The following PPP2R2D variants were observed in gnomAD, a reference collection of about 807,000 sequenced individuals.
PPP2R2D encodes serine/threonine-protein phosphatase 2A 55 kDa regulatory subunit B delta isoform.
A neutral mutation model predicts 31.1 loss-of-function variants in PPP2R2D; 9 were observed. The ratio of observed to expected loss-of-function variants is 0.29; its 90% CI spans 0.17 to 0.51. PPP2R2D has a LOEUF of 0.51. Among genes scored for constraint, PPP2R2D ranks in the 20% least tolerant of loss-of-function variants. PPP2R2D has a pLI of 0.98. For synonymous variants in PPP2R2D, 179 were observed against 172.6 expected (o/e 1.04, Z -0.29); for missense variants, 391 against 465.6 (o/e 0.84, Z 1.48).
downstream of PPP2R2D, among the ~76,000 whole-genome samples, chr10:131,961,496 G>A (rs528639352): frequency 2.6e-5 from 4 of 152,284 alleles, no homozygotes; most frequent in Non-Finnish European, 4.4e-5. Flanking sequence ...GGTCACAGAC[G>A]CACACACCAC....
At chr10:131,934,327 A>G in intron 2 of PPP2R2D, 131 bp from the exon 3 acceptor site, 1 of 617,234 alleles carries the variant, frequency 1.6e-6, no homozygotes, top group Non-Finnish European at 2.9e-6. Flanking sequence ...GTTTGCCAAG[A>G]CAGTTTTGCT....
chr10:131,971,170 C>G, the PPP2R2D span: 1 of 581,410 alleles, frequency 1.7e-6, no homozygotes, highest in Non-Finnish European at 3.1e-6. Context: ...GCTCACAGCA[C>G]GCTCGCCGCC....
chr10:131,906,235 G>A (rs1417618075), intron 2 of PPP2R2D, among the ~76,000 whole-genome samples: 1 of 152,218 alleles, frequency 6.6e-6, no homozygotes. Context: ...GGGGTTGGGG[G>A]AGGAGGGTCT....
downstream of PPP2R2D, among the ~76,000 whole-genome samples, chr10:131,960,868 CA>C (rs1319392431): frequency 6.6e-6 from 1 of 152,200 alleles, no homozygotes; most frequent in Non-Finnish European, 1.5e-5. Flanking sequence ...GCAGAGGTCG[CA>C]TCTTCCCAGA....
rs1429738341 is a variant in PPP2R2D at position 131,955,877 on chromosome 10, C to T, written c.1276C>T (p.Leu426=). Residue 426 remains leucine (L), a synonymous_variant, in exon 9 of 9, where the codon CTG becomes TTG. Transcript: ENST00000455566. ...CAGTCTGGACTTCAACAAGAAGATCCTGCACACAGCCTGGCACCCCGTGGA... is the reference window on the plus strand; with the variant it reads ...CAGTCTGGACTTCAACAAGAAGATCTTGCACACAGCCTGGCACCCCGTGGA... ...VDSLDFNKKI[L]HTAWHPVDNV... 3 of 1,608,214 alleles carry T rather than the reference C, an allele frequency of 1.9e-6. No individual in the cohort carries two copies. The highest frequency in any genetic ancestry group is 1.3e-5 in the African/African-American group (1 of 74,652).
At chr10:131,924,259 T>C (rs2036055479) in intron 2 of PPP2R2D, among the ~76,000 whole-genome samples, 1 of 152,166 alleles carries the variant, frequency 6.6e-6, no homozygotes, top group African/African-American at 2.4e-5. Context: ...TGTGAAGATT[T>C]ATTCATTTAG....
intron 2 of PPP2R2D, among the ~76,000 whole-genome samples, chr10:131,920,271 A>T (rs1429817668): frequency 2.3e-5 from 3 of 132,764 alleles, no homozygotes; most frequent in Non-Finnish European, 4.9e-5. Context: ...GTGGAATGAC[A>T]CAGTGTAGGG....
intron 2 of PPP2R2D, among the ~76,000 whole-genome samples, chr10:131,931,549 T>C (rs2036227680): frequency 6.6e-6 from 1 of 152,222 alleles, no homozygotes; most frequent in Non-Finnish European, 1.5e-5. Context: ...GGCTTTGCCA[T>C]GTTGGCCAGG....
chr10:131,903,447 A>G (rs1668637093), intron 2 of PPP2R2D, among the ~76,000 whole-genome samples: 1 of 148,428 alleles, frequency 6.7e-6, no homozygotes, highest in Non-Finnish European at 1.5e-5. Context: ...AGCCTGGACA[A>G]TAGAACAAGG....
At position 131,945,514 on chromosome 10, in the gene PPP2R2D, C is replaced by T; in HGVS notation, c.820+55C>T. 6.5e-7 allele frequency: 1 copy of T among 1,540,500 alleles called. No individual in the cohort carries two copies. The highest frequency in any genetic ancestry group is 8.8e-7 in the Non-Finnish European group (1 of 1,136,922). ...TGGCTCTGTCACCCAGGCTGCGGTG[C>T]AGTGACACAGTCTCGGCTCACGGCA... On this transcript the variant is annotated intron_variant, in intron 7 of 8. Coordinates refer to ENST00000455566, the MANE Select transcript of PPP2R2D (RefSeq NM_018461.5). The surrounding 1 kb of genome is among the most constrained non-coding windows in gnomAD (Gnocchi z 4.8).
rs2036569506 is a variant in PPP2R2D, at chr10:131,947,837, T to A, written c.1082+46T>A. The A allele has an allele frequency of 6.3e-7, 1 of 1,596,408 alleles. No individual in the cohort carries two copies. Among genetic ancestry groups the A allele is most frequent in the Non-Finnish European group, 8.6e-7 (1 of 1,167,852 alleles). ...AGCTGTCGCCCCAAGCTTGCTGGTT[T>A]CCGAGAGTGCAAGGTCAGTGAGGGA... On this transcript the variant is annotated intron_variant, in intron 8 of 8. Coordinates refer to ENST00000455566, the MANE Select transcript of PPP2R2D (RefSeq NM_018461.5). This position sits in a 1 kb window ranked among gnomAD's most constrained non-coding sequence, Gnocchi z 4.3.
At chr10:131,925,430 A>C (rs1458851163) in intron 2 of PPP2R2D, among the ~76,000 whole-genome samples, 1 of 152,212 alleles carries the variant, frequency 6.6e-6, no homozygotes, top group Non-Finnish European at 1.5e-5. Context: ...TAATGTTATT[A>C]GTATGGTGTA....
At chr10:131,937,594 G>A (rs187940881) in intron 3 of PPP2R2D, among the ~76,000 whole-genome samples, 13 of 152,264 alleles carry the variant, frequency 8.5e-5, no homozygotes, top group African/African-American at 2.2e-4. Flanking sequence ...GTTGGAACCC[G>A]TTCATGGCAG....
chr10:131,938,678 C>G lies in PPP2R2D; in HGVS notation c.199-1353C>G, dbSNP rs550266527. Among the ~76,000 whole-genome samples, 152 of 152,256 alleles carry G rather than the reference C, an allele frequency of 1.0e-3. 1 individual carries two copies. Among genetic ancestry groups the G allele is most frequent in the Non-Finnish European group, 1.4e-3 (96 of 68,052 alleles). ...GTACGTACGTAAGCAGCACCTCACT[C>G]TGGGCACCTGTGCAGCCTGCTTCAC... On this transcript the variant is annotated intron_variant, in intron 3 of 8. Coordinates refer to ENST00000455566, the MANE Select transcript of PPP2R2D (RefSeq NM_018461.5).
intron 8 of PPP2R2D, among the ~76,000 whole-genome samples, chr10:131,952,820 G>T (rs1554899135): frequency 3.4e-5 from 3 of 88,810 alleles, no homozygotes; most frequent in Non-Finnish European, 2.2e-5. Flanking sequence ...TGACTTGCGG[G>T]TGTGTGTGTG....
downstream of PPP2R2D, among the ~76,000 whole-genome samples, chr10:131,961,265 A>G (rs572916809): frequency 6.4e-4 from 97 of 152,294 alleles, no homozygotes; most frequent in Middle Eastern, 3.4e-3. Flanking sequence ...AGCCAAGTTC[A>G]GCAGTCCCCG....
At chr10:131,948,604 GA>G (rs1378653354) in intron 8 of PPP2R2D, among the ~76,000 whole-genome samples, 1 of 152,218 alleles carries the variant, frequency 6.6e-6, no homozygotes, top group African/African-American at 2.4e-5. Flanking sequence ...AGAGGGAGCT[GA>G]AACCAGAATG....
rs1410468284 is a variant in PPP2R2D at position 131,958,436 on chromosome 10, G to A, written c.*2473G>A. On this transcript the variant is annotated 3_prime_UTR_variant, in exon 9 of 9. Transcript: ENST00000455566. Reference sequence around the variant, plus strand: ...GTGTGTGCTGATCCCCCATCCCCCTGTGGGGATGAAGGTGTGTGCTGATCC... The same window carrying A: ...GTGTGTGCTGATCCCCCATCCCCCTATGGGGATGAAGGTGTGTGCTGATCC... 4.9e-6 allele frequency: 1 copy of A among 205,014 alleles called. No homozygotes were observed. Among genetic ancestry groups the A allele is most frequent in the African/African-American group, 2.5e-5 (1 of 40,176 alleles). 12.7% of individuals were successfully genotyped at this position (205,014 alleles called of 1,614,324 possible). A position where few individuals can be genotyped will look rare whatever the true frequency, so the allele number is the denominator to read the frequency against.
downstream of PPP2R2D, among the ~76,000 whole-genome samples, chr10:131,963,619 G>C (rs1346300638): frequency 1.3e-5 from 2 of 152,258 alleles, no homozygotes; most frequent in Non-Finnish European, 2.9e-5. Context: ...CCACACGTCG[G>C]ACGCGGCTTC....
Sources: allele counts gnomAD v4.1 joint callset (sites outside exome capture counted in the v4.1 genomes callset), GRCh38; gene constraint gnomAD v4.1.1; non-coding constraint Gnocchi (gnomAD v3.1); transcripts MANE v1.5; gene names NCBI Gene and HGNC (gene_info 2026-07-23, HGNC 2026-07-21).